The following CCDC73 variants were observed in gnomAD, a reference collection of about 807,000 sequenced individuals.
The protein encoded by CCDC73 is coiled-coil domain-containing protein 73.
A neutral mutation model predicts 116.5 loss-of-function variants in CCDC73; 95 were observed. The ratio of observed to expected loss-of-function variants is 0.82; its 90% CI spans 0.69 to 0.97. The LOEUF (loss-of-function observed/expected upper bound fraction) is 0.97, where lower values mean the gene tolerates loss of function less well. CCDC73 is among the 50% of genes least tolerant of loss of function. The pLI is 0.00. For missense variants in CCDC73, 1,066 were observed against 1,206.8 expected (o/e 0.88, Z 1.73); for synonymous variants, 398 against 401.3 (o/e 0.99, Z 0.10).
At chr11:32,686,231 A>AG (rs1856199606) in intron 6 of CCDC73, among the ~76,000 whole-genome samples, 3 of 149,232 alleles carry the variant, frequency 2.0e-5, no homozygotes, top group Non-Finnish European at 4.5e-5. Context: ...AAAAAAAAAA[A>AG]CCAGTAACTG....
intron 14 of CCDC73, among the ~76,000 whole-genome samples, chr11:32,623,857 A>C (rs1420477770): frequency 6.6e-6 from 1 of 152,202 alleles, no homozygotes; most frequent in African/African-American, 2.4e-5. Context: ...AAATGGGAAT[A>C]TATAAACTAA....
chr11:32,668,816 C>T (rs779052630), intron 9 of CCDC73, among the ~76,000 whole-genome samples: 20 of 152,138 alleles, frequency 1.3e-4, no homozygotes, highest in East Asian at 3.9e-4. Context: ...GGTTAGTAGA[C>T]GGTGAGTGGT....
At position 32,691,265 on chromosome 11, in the gene CCDC73, C is replaced by T. The variant is rs575627051; in HGVS notation, c.391-7691G>A. 1.3e-4 allele frequency among the ~76,000 whole-genome samples: 20 copies of T among 152,146 alleles called. No individual in the cohort carries two copies. In the East Asian group the frequency reaches 2.7e-3, roughly 21 times the overall value. The stretch of plus-strand genomic sequence containing the variant: ...TTCACCATGTTGGTCAGGCTGGTCT[C>T]GAACTCCTGACCTCTGGTGATCTGC... On this transcript the variant is annotated intron_variant, in intron 6 of 17. Transcript: ENST00000335185.
chr11:32,724,712 T>C (rs1022404611), intron 2 of CCDC73, among the ~76,000 whole-genome samples: 1 of 152,176 alleles, frequency 6.6e-6, no homozygotes, highest in Non-Finnish European at 1.5e-5. Context: ...ATGGCAGATG[T>C]AGGTTGAACT....
intron 12 of CCDC73, among the ~76,000 whole-genome samples, chr11:32,645,715 T>C (rs546024478): frequency 6.6e-6 from 1 of 152,348 alleles, no homozygotes; most frequent in East Asian, 1.9e-4. Flanking sequence ...TTGTATGTAC[T>C]ACACTTTTAT....
At chr11:32,816,320 T>C in the CCDC73 span, among the ~76,000 whole-genome samples, 1 of 152,314 alleles carries the variant, frequency 6.6e-6, no homozygotes, top group African/African-American at 2.4e-5. Flanking sequence ...ATGTTGCCCA[T>C]GAGAGCTCAA....
intron 3 of CCDC73, among the ~76,000 whole-genome samples, chr11:32,711,224 T>C (rs1468199060): frequency 1.3e-5 from 2 of 151,794 alleles, no homozygotes; most frequent in East Asian, 1.9e-4. Flanking sequence ...CAATGGAAAA[T>C]AGTGTGGAGA....
intron 1 of CCDC73, among the ~76,000 whole-genome samples, chr11:32,785,454 T>C (rs1342634637): frequency 6.6e-6 from 1 of 152,180 alleles, no homozygotes; most frequent in Non-Finnish European, 1.5e-5. Flanking sequence ...CAGGCTGGAA[T>C]GCAGTGGCGT....
At chr11:32,814,810 G>C in the CCDC73 span, among the ~76,000 whole-genome samples, 10 of 152,184 alleles carry the variant, frequency 6.6e-5, no homozygotes, top group African/African-American at 2.2e-4. Flanking sequence ...ATAGATAAAA[G>C]GTAGTATATC....
At chr11:32,772,540 T>C (rs2133388047) in intron 1 of CCDC73, among the ~76,000 whole-genome samples, 1 of 152,292 alleles carries the variant, frequency 6.6e-6, no homozygotes, top group South Asian at 2.1e-4. Context: ...CTAGATTTCT[T>C]AGATGGCTAT....
chr11:32,607,113 G>T (rs1855363043), intron 17 of CCDC73, among the ~76,000 whole-genome samples: 1 of 80,264 alleles, frequency 1.2e-5, no homozygotes, highest in East Asian at 5.7e-4. Flanking sequence ...TTTTTTTTGA[G>T]ACGGAGTCTC....
intron 2 of CCDC73, among the ~76,000 whole-genome samples, chr11:32,739,725 T>C (rs1383488894): frequency 6.6e-6 from 1 of 151,914 alleles, no homozygotes. Context: ...GCTTCCAGTA[T>C]TATGTTGAAT....
chr11:32,647,105 G>C (rs1295658898), intron 12 of CCDC73, among the ~76,000 whole-genome samples: 1 of 152,020 alleles, frequency 6.6e-6, no homozygotes, highest in Non-Finnish European at 1.5e-5. Context: ...GGTTGTTCTT[G>C]CATTGTTAAA....
At chr11:32,667,755 A>C (rs1855999981) in intron 9 of CCDC73, among the ~76,000 whole-genome samples, 1 of 152,116 alleles carries the variant, frequency 6.6e-6, no homozygotes, top group African/African-American at 2.4e-5. Context: ...TGCATCGCTC[A>C]CACTGGGAGC....
chr11:32,672,291 G>C (rs904796854), intron 9 of CCDC73, among the ~76,000 whole-genome samples: 3 of 152,252 alleles, frequency 2.0e-5, no homozygotes, highest in African/African-American at 4.8e-5. Flanking sequence ...GCAATGAGCC[G>C]AGATTGCGCC....
intron 2 of CCDC73, among the ~76,000 whole-genome samples, chr11:32,741,663 T>C (rs1850188067): frequency 6.6e-6 from 1 of 151,872 alleles, no homozygotes; most frequent in South Asian, 2.1e-4. Context: ...TATGTATTTA[T>C]ATATATTTAT....
chr11:32,810,756 T>G, the CCDC73 span, among the ~76,000 whole-genome samples: 1 of 152,092 alleles, frequency 6.6e-6, no homozygotes, highest in African/African-American at 2.4e-5. Context: ...TTTCTTTAAC[T>G]CCCCCCTTCT....
intron 7 of CCDC73, 34 bp from the exon 8 acceptor site, chr11:32,676,055 AT>A (rs764485291): frequency 2.6e-6 from 4 of 1,531,886 alleles, no homozygotes; most frequent in Non-Finnish European, 3.5e-6. Flanking sequence ...TGTTATACAT[AT>A]AACACACACA....
chr11:32,679,337 A>AT (rs1041959840), intron 7 of CCDC73, among the ~76,000 whole-genome samples: 2 of 151,874 alleles, frequency 1.3e-5, no homozygotes, highest in African/African-American at 4.8e-5. Flanking sequence ...GGTTAATGGC[A>AT]TTTTTTCAAT....
Sources: allele counts gnomAD v4.1 joint callset (sites outside exome capture counted in the v4.1 genomes callset), GRCh38; gene constraint gnomAD v4.1.1; transcripts MANE v1.5; gene names NCBI Gene and HGNC (gene_info 2026-07-23, HGNC 2026-07-21).